Variants in PKIB observed in about 807,000 individuals in gnomAD.
PKIB encodes the protein cAMP-dependent protein kinase inhibitor beta, also known as PKI-beta.
In PKIB, 2 loss-of-function variants were observed where a neutral mutation model predicts 4.5. That is an observed-to-expected ratio of 0.44 (90% CI 0.18 to 1.39). PKIB has a LOEUF of 1.39. Among genes scored for constraint, PKIB ranks in the 40% most tolerant of loss-of-function variants. The pLI is 0.27. For missense variants in PKIB, 94 were observed against 92.6 expected, an observed-to-expected ratio of 1.02 and a Z score of -0.06; for synonymous variants, 38 against 36.0, an observed-to-expected ratio of 1.06 and a Z score of -0.20.
chr6:122,577,108 A>G (rs922573133), intron 2 of PKIB, among the ~76,000 whole-genome samples: 1 of 152,206 alleles, frequency 6.6e-6, no homozygotes, highest in Non-Finnish European at 1.5e-5. Context: ...TAATTACACT[A>G]TAACATTATA....
chr6:122,650,575 C>T (rs1240928097), intron 2 of PKIB, among the ~76,000 whole-genome samples: 1 of 152,156 alleles, frequency 6.6e-6, no homozygotes, highest in Non-Finnish European at 1.5e-5. Flanking sequence ...TGTGTAACCA[C>T]ATCAATCTTG....
At chr6:122,670,448 T>G (rs1378052281) in intron 2 of PKIB, among the ~76,000 whole-genome samples, 1 of 152,088 alleles carries the variant, frequency 6.6e-6, no homozygotes, top group Non-Finnish European at 1.5e-5. Flanking sequence ...GCTATTTGCT[T>G]ACTACCAATC....
intron 3 of PKIB, among the ~76,000 whole-genome samples, chr6:122,604,521 A>C (rs914005336): frequency 7.2e-5 from 11 of 152,228 alleles, no homozygotes; most frequent in African/African-American, 2.7e-4. Flanking sequence ...TGGAGTGTCA[A>C]GTTGATGAGT....
intron 3 of PKIB, among the ~76,000 whole-genome samples, chr6:122,707,679 T>C (rs1562313272): frequency 6.6e-6 from 1 of 152,142 alleles, no homozygotes; most frequent in Non-Finnish European, 1.5e-5. Context: ...AAACTGTCAT[T>C]AGAAATTTTG....
At chr6:122,617,212 A>G (rs1562271783) in intron 1 of PKIB, among the ~76,000 whole-genome samples, 4 of 152,170 alleles carry the variant, frequency 2.6e-5, no homozygotes, top group Non-Finnish European at 5.9e-5. Context: ...CTCTGAAATC[A>G]AACAGTCATT....
chr6:122,611,488 T>G (rs1183650146), intron 1 of PKIB, among the ~76,000 whole-genome samples: 1 of 152,174 alleles, frequency 6.6e-6, no homozygotes, highest in African/African-American at 2.4e-5. Context: ...AGTGGAGATT[T>G]GAGGCGAATG....
chr6:122,536,670 T>C (rs1180897800), intron 2 of PKIB, among the ~76,000 whole-genome samples: 1 of 152,068 alleles, frequency 6.6e-6, no homozygotes, highest in Non-Finnish European at 1.5e-5. Flanking sequence ...ATTTTATTTA[T>C]GAAAAAACTT....
chr6:122,617,337 A>C (rs962192722), intron 1 of PKIB, among the ~76,000 whole-genome samples: 2 of 152,144 alleles, frequency 1.3e-5, no homozygotes, highest in South Asian at 4.1e-4. Context: ...TTTTAGGGGA[A>C]GTGAGGAATA....
chr6:122,645,484 A>G (rs1776274099), intron 2 of PKIB, among the ~76,000 whole-genome samples: 1 of 152,228 alleles, frequency 6.6e-6, no homozygotes, highest in Non-Finnish European at 1.5e-5. Context: ...CACTAGGACC[A>G]GCAAGGTGCA....
At chr6:122,697,952 A>T (rs983840163) in intron 3 of PKIB, among the ~76,000 whole-genome samples, 6 of 152,120 alleles carry the variant, frequency 3.9e-5, no homozygotes, top group Non-Finnish European at 7.4e-5. Flanking sequence ...GAAACAAGAG[A>T]TTCACAGAGT....
At chr6:122,516,998 A>G (rs940811389) in intron 2 of PKIB, among the ~76,000 whole-genome samples, 1 of 152,200 alleles carries the variant, frequency 6.6e-6, no homozygotes, top group African/African-American at 2.4e-5. Flanking sequence ...TGCCCTGGCC[A>G]TGTATGGATC....
chr6:122,493,488 T>C (rs927068498), intron 2 of PKIB: 2 of 152,250 alleles, frequency 1.3e-5, no homozygotes, highest in South Asian at 4.1e-4. Flanking sequence ...ATTGAAATCT[T>C]CTATGAAAAA....
chr6:122,653,375 A>G (rs1776640844), intron 2 of PKIB, among the ~76,000 whole-genome samples: 1 of 151,934 alleles, frequency 6.6e-6, no homozygotes, highest in South Asian at 2.1e-4. Flanking sequence ...ATGTGGAATA[A>G]TGGTGTGTGT....
intron 2 of PKIB, among the ~76,000 whole-genome samples, chr6:122,646,842 A>G (rs897342039): frequency 2.0e-5 from 3 of 152,282 alleles, no homozygotes; most frequent in East Asian, 3.9e-4. Flanking sequence ...TAGAAATACT[A>G]TATTTCTAGT....
intron 2 of PKIB, among the ~76,000 whole-genome samples, chr6:122,583,725 T>C (rs1773771431): frequency 6.6e-6 from 1 of 152,152 alleles, no homozygotes; most frequent in Non-Finnish European, 1.5e-5. Context: ...TTAATATCAA[T>C]AACAATGATT....
chr6:122,724,066 C>G (rs2115097782), intron 4 of PKIB, among the ~76,000 whole-genome samples: 1 of 152,230 alleles, frequency 6.6e-6, no homozygotes, highest in Non-Finnish European at 1.5e-5. Flanking sequence ...TTGGTAGGAG[C>G]AGTTTTGCAG....
In PKIB at chr6:122,724,785, T is replaced by G. The variant is rs561958983; in HGVS notation, c.170-343T>G. Among the ~76,000 whole-genome samples the G allele has an allele frequency of 1.6e-4, 24 of 151,790 alleles. No individual in the cohort carries two copies. The South Asian group carries it at 5.0e-3, about 32-fold the overall frequency. On this transcript the variant is annotated intron_variant, in intron 4 of 4. Coordinates refer to ENST00000368452, the MANE Select transcript of PKIB (RefSeq NM_181795.3). Reference sequence around the variant, plus strand: ...TTGGCTAAGGACATACACCACGGAGTCAGTTGGCCCAAGCTCAAGTTGTGA... The same window carrying G: ...TTGGCTAAGGACATACACCACGGAGGCAGTTGGCCCAAGCTCAAGTTGTGA...
chr6:122,586,376 A>G (rs1285580905), intron 3 of PKIB, among the ~76,000 whole-genome samples: 1 of 152,146 alleles, frequency 6.6e-6, no homozygotes, highest in Non-Finnish European at 1.5e-5. Context: ...TCTATAATTT[A>G]TTCCCATCTG....
chr6:122,588,934 G>A (rs1342334212), intron 3 of PKIB, among the ~76,000 whole-genome samples: 1 of 152,138 alleles, frequency 6.6e-6, no homozygotes, highest in African/African-American at 2.4e-5. Context: ...CCACTGCAAT[G>A]TGTTTTCCAT....
Sources: gnomAD v4.1 joint callset for allele counts (sites outside exome capture counted in the v4.1 genomes callset) on GRCh38, gnomAD v4.1.1 for gene constraint, MANE v1.5 for transcripts, NCBI Gene and HGNC (gene_info 2026-07-23, HGNC 2026-07-21) for gene names.